The following TMED5 variants were observed in gnomAD, a reference collection of about 807,000 sequenced individuals.
TMED5 encodes transmembrane p24 trafficking protein 5, also known as transmembrane emp24 domain-containing protein 5.
In TMED5, 27 loss-of-function variants were observed where a neutral mutation model predicts 23.0. The ratio of observed to expected loss-of-function variants is 1.17; its 90% CI spans 0.86 to 1.62. TMED5 has a LOEUF of 1.62. Ranked by LOEUF, TMED5 falls within the 40% of genes most tolerant of loss-of-function variation. TMED5 has a pLI of 0.00. For missense variants in TMED5, 248 were observed against 273.7 expected (o/e 0.91, Z 0.66); for synonymous variants, 97 against 100.8 (o/e 0.96, Z 0.23).
rs1432970494 is a variant in TMED5, at chr1:93,154,780, T to C, written c.580A>G (p.Arg194Gly). 4 of 1,613,974 alleles carry C rather than the reference T, an allele frequency of 2.5e-6. No individual in the cohort carries two copies. Among genetic ancestry groups the C allele is most frequent in the Non-Finnish European group, 3.4e-6 (4 of 1,179,964 alleles). The stretch of plus-strand genomic sequence containing the variant: ...TTAACCATAGACCAGAAATTGACTC[T>C]ATCAAAGTTGCTTTCTTGTATGTTT... ...DRNIQESNFD[R>G]VNFWSMVNLV... is the part of the protein sequence containing the mutation. Residue 194 changes from arginine (R) to glycine (G), a missense_variant, in exon 4 of 4, where the codon AGA becomes GGA. Transcript: ENST00000370282.
intron 3 of TMED5, 72 bp downstream of exon 3, chr1:93,156,228 T>A (rs1648069597): frequency 7.2e-7 from 1 of 1,382,838 alleles, no homozygotes; most frequent in South Asian, 1.2e-5. Flanking sequence ...AAATGCTTAG[T>A]TCAGTAACTT....
At chr1:93,160,413 C>CT (rs1648225744) in intron 1 of TMED5, 187 bp from the exon 2 acceptor site, 4 of 445,266 alleles carry the variant, frequency 9.0e-6, no homozygotes, top group African/African-American at 7.8e-5. Flanking sequence ...GAACTTGTCC[C>CT]TTCCTTACCC....
chr1:93,169,019 T>C (rs1194214907), intron 1 of TMED5, among the ~76,000 whole-genome samples: 2 of 152,190 alleles, frequency 1.3e-5, no homozygotes, highest in Non-Finnish European at 2.9e-5. Context: ...GACATCCCTC[T>C]ATCAGTAATT....
chr1:93,164,530 G>A (rs1479870758), intron 1 of TMED5, among the ~76,000 whole-genome samples: 1 of 152,048 alleles, frequency 6.6e-6, no homozygotes, highest in African/African-American at 2.4e-5. Context: ...AGTCATATGT[G>A]AAAAAAACAA....
chr1:93,165,661 T>G (rs1407902949), intron 1 of TMED5, among the ~76,000 whole-genome samples: 1 of 152,244 alleles, frequency 6.6e-6, no homozygotes, highest in African/African-American at 2.4e-5. Flanking sequence ...TAGTGTAAAA[T>G]TGGGTATCCA....
chr1:93,152,212 G>A lies in TMED5; in HGVS notation c.*2458C>T, dbSNP rs1013130780. The A allele has an allele frequency of 3.3e-5, 5 of 152,574 alleles. No individual in the cohort carries two copies. Among genetic ancestry groups the A allele is most frequent in the Non-Finnish European group, 7.4e-5 (5 of 68,004 alleles). The allele number at this position is 152,574 out of a possible 1,614,324, so 9.5% of individuals were successfully genotyped here. ...CAGAGCAAACTCTAGGCCTTAGTGT[G>A]AGGTGAACACGGTAACTGCTACATT... is the stretch of plus-strand genomic sequence containing the variant. On this transcript the variant is annotated 3_prime_UTR_variant, in exon 4 of 4. Coordinates refer to ENST00000370282, the MANE Select transcript of TMED5 (RefSeq NM_016040.5).
chr1:93,175,846 G>A (rs573879382), intron 1 of TMED5, among the ~76,000 whole-genome samples: 1 of 152,168 alleles, frequency 6.6e-6, no homozygotes, highest in South Asian at 2.1e-4. Context: ...AAAAAGTATT[G>A]TTGTTCTAGG....
At chr1:93,164,146 T>C (rs1571276811) in intron 1 of TMED5, among the ~76,000 whole-genome samples, 1 of 152,116 alleles carries the variant, frequency 6.6e-6, no homozygotes, top group East Asian at 1.9e-4. Context: ...GAGGGACATC[T>C]AATTTGGCAA....
At chr1:93,165,794 A>G (rs550840835) in intron 1 of TMED5, among the ~76,000 whole-genome samples, 2 of 152,376 alleles carry the variant, frequency 1.3e-5, no homozygotes, top group African/African-American at 4.8e-5. Context: ...TAAAAAGAAC[A>G]ATTAAGTTAT....
chr1:93,177,007 A>G (rs1648936170), intron 1 of TMED5, among the ~76,000 whole-genome samples: 1 of 152,232 alleles, frequency 6.6e-6, no homozygotes. Flanking sequence ...TCAATTATCC[A>G]AAAAGTATTC....
At chr1:93,166,525 C>G (rs892772130) in intron 1 of TMED5, among the ~76,000 whole-genome samples, 2 of 152,182 alleles carry the variant, frequency 1.3e-5, no homozygotes, top group Non-Finnish European at 2.9e-5. Context: ...TGATGTTGAG[C>G]ACATTTTCAT....
intron 1 of TMED5, among the ~76,000 whole-genome samples, chr1:93,168,563 T>C (rs973048293): frequency 6.6e-6 from 1 of 152,210 alleles, no homozygotes; most frequent in African/African-American, 2.4e-5. Context: ...TGGCTGGGCA[T>C]GGTGGCTCAC....
intron 1 of TMED5, among the ~76,000 whole-genome samples, chr1:93,166,029 C>T (rs1648493502): frequency 6.6e-6 from 1 of 152,198 alleles, no homozygotes; most frequent in South Asian, 2.1e-4. Context: ...TCTTTCTGTG[C>T]CTGGCTTATT....
intron 1 of TMED5, among the ~76,000 whole-genome samples, chr1:93,173,576 C>G (rs950586458): frequency 2.0e-5 from 3 of 152,152 alleles, no homozygotes; most frequent in Admixed American, 6.5e-5. Flanking sequence ...TAATCGAAGT[C>G]AGAAGACAAT....
chr1:93,155,150 C>G (rs1174725896), intron 3 of TMED5, among the ~76,000 whole-genome samples: 2 of 152,052 alleles, frequency 1.3e-5, no homozygotes, highest in African/African-American at 4.8e-5. Context: ...CACTTGAGTC[C>G]AGGAGGTTGA....
chr1:93,151,526 A>G lies in TMED5; in HGVS notation c.*3144T>C, dbSNP rs1160487828. 1 of 152,180 alleles carries G rather than the reference A, an allele frequency of 6.6e-6. No individual in the cohort carries two copies. The highest frequency in any genetic ancestry group is 2.4e-5 in the African/African-American group (1 of 41,448). 9.4% of individuals were successfully genotyped at this position (152,180 alleles called of 1,614,324 possible). A position where few individuals can be genotyped will look rare whatever the true frequency, so the allele number is the denominator to read the frequency against. ...TTAAGAATCCTGAGCCATATTCCAG[A>G]CCTGAATAATCAATTTCTGGGGTGA... On this transcript the variant is annotated 3_prime_UTR_variant, in exon 4 of 4. Transcript: ENST00000370282.
intron 1 of TMED5, among the ~76,000 whole-genome samples, chr1:93,175,191 A>G (rs1217655138): frequency 1.4e-5 from 2 of 142,104 alleles, no homozygotes; most frequent in Non-Finnish European, 3.0e-5. Context: ...ATATATATAT[A>G]TATATATATA....
At chr1:93,163,404 G>A (rs961051542) in intron 1 of TMED5, among the ~76,000 whole-genome samples, 10 of 150,726 alleles carry the variant, frequency 6.6e-5, no homozygotes, top group African/African-American at 2.4e-4. Flanking sequence ...GAGTGTAGTG[G>A]CGCGATCTCA....
chr1:93,175,314 TATAC>T (rs373437031), intron 1 of TMED5, among the ~76,000 whole-genome samples: 10,777 of 108,622 alleles, frequency 0.099, 425 homozygotes, highest in African/African-American at 0.12. Flanking sequence ...TATATATATA[TATAC>T]ACACACACAC....
Sources: gnomAD v4.1 joint callset for allele counts (sites outside exome capture counted in the v4.1 genomes callset) on GRCh38, gnomAD v4.1.1 for gene constraint, MANE v1.5 for transcripts, NCBI Gene and HGNC (gene_info 2026-07-23, HGNC 2026-07-21) for gene names.